The following KCNH5 variants were observed in gnomAD, a reference collection of about 807,000 sequenced individuals.
KCNH5 encodes the protein potassium voltage-gated channel subfamily H member 5.
KCNH5 carries 46 observed loss-of-function variants against 96.1 expected under a neutral mutation model. The observed-to-expected ratio is 0.48, with a 90% CI of 0.38 to 0.61. KCNH5 has a LOEUF of 0.61. KCNH5 is among the 20% of genes least tolerant of loss of function. The pLI is 0.00. For synonymous variants in KCNH5, 439 were observed against 449.8 expected (o/e 0.98, Z 0.30); for missense variants, 907 against 1,225.8 (o/e 0.74, Z 3.88).
chr14:62,762,932 C>A (rs181061945), intron 10 of KCNH5, among the ~76,000 whole-genome samples: 1 of 152,146 alleles, frequency 6.6e-6, no homozygotes, highest in African/African-American at 2.4e-5. Flanking sequence ...AGATAACCAC[C>A]CTATAATAAT....
chr14:62,936,089 C>T (rs565565539), intron 7 of KCNH5, among the ~76,000 whole-genome samples: 16 of 152,112 alleles, frequency 1.1e-4, no homozygotes, highest in South Asian at 2.1e-4. Context: ...GAAGTACTTC[C>T]GTATGCATGA....
intron 10 of KCNH5, among the ~76,000 whole-genome samples, chr14:62,754,091 A>C (rs1177764624): frequency 6.6e-6 from 1 of 152,210 alleles, no homozygotes; most frequent in Admixed American, 6.5e-5. Context: ...AAAAAGTTAA[A>C]AAGCACAGAG....
intron 10 of KCNH5, among the ~76,000 whole-genome samples, chr14:62,771,588 G>A (rs753669282): frequency 6.6e-6 from 1 of 152,152 alleles, no homozygotes; most frequent in Non-Finnish European, 1.5e-5. Context: ...TCGTGCCACT[G>A]CACTCCAGCC....
At chr14:62,782,769 C>T (rs1283123565) in intron 9 of KCNH5, among the ~76,000 whole-genome samples, 1 of 151,930 alleles carries the variant, frequency 6.6e-6, no homozygotes, top group Non-Finnish European at 1.5e-5. Context: ...TGAGATTGTG[C>T]CACTGCACTC....
At chr14:62,830,473 G>A (rs527621058) in intron 8 of KCNH5, among the ~76,000 whole-genome samples, 31 of 152,280 alleles carry the variant, frequency 2.0e-4, no homozygotes, top group African/African-American at 7.2e-4. Context: ...GAGGCCTCAG[G>A]AAACATACAG....
intron 4 of KCNH5, among the ~76,000 whole-genome samples, chr14:62,997,972 G>C (rs1287238434): frequency 6.6e-6 from 1 of 150,912 alleles, no homozygotes. Flanking sequence ...TCTTTTTCTG[G>C]TTTTGCTATA....
intron 8 of KCNH5, among the ~76,000 whole-genome samples, chr14:62,816,528 G>A (rs1886982193): frequency 6.6e-6 from 1 of 151,872 alleles, no homozygotes; most frequent in African/African-American, 2.4e-5. Flanking sequence ...AGCAATATTT[G>A]ACTGAGCTTT....
intron 10 of KCNH5, among the ~76,000 whole-genome samples, chr14:62,775,989 G>C (rs1057257353): frequency 7.2e-5 from 11 of 152,096 alleles, no homozygotes; most frequent in Non-Finnish European, 1.3e-4. Context: ...TAAAGTTGGG[G>C]CCAGCGCGGT....
rs140725760 is a variant in KCNH5 at position 62,934,033 on chromosome 14, G to A, written c.1369+16100C>T. Among the ~76,000 whole-genome samples the A allele has an allele frequency of 2.6e-3, 396 of 152,126 alleles. 3 individuals carry two copies. Among genetic ancestry groups the A allele is most frequent in the African/African-American group, 8.3e-3 (343 of 41,496 alleles). On this transcript the variant is annotated intron_variant, in intron 7 of 10. Transcript: ENST00000322893. Reference sequence around the variant, plus strand: ...TGAATAAATTAGCAGTTCAAATTACGCAGCACAGAAAGGCTCTGATCAAAC... The same window carrying A: ...TGAATAAATTAGCAGTTCAAATTACACAGCACAGAAAGGCTCTGATCAAAC...
At chr14:62,730,940 AATTT>A (rs1566642005) in intron 10 of KCNH5, among the ~76,000 whole-genome samples, 1 of 152,222 alleles carries the variant, frequency 6.6e-6, no homozygotes, top group African/African-American at 2.4e-5. Context: ...TTTTCCACTG[AATTT>A]ATTTTATTTG....
chr14:62,911,853 A>G (rs111572959), intron 7 of KCNH5, among the ~76,000 whole-genome samples: 2,367 of 151,796 alleles, frequency 0.016, 57 homozygotes, highest in African/African-American at 0.054. Flanking sequence ...TGGCCAACAT[A>G]GTAACACCCC....
At chr14:62,971,323 G>A (rs748791795) in intron 6 of KCNH5, among the ~76,000 whole-genome samples, 1 of 152,030 alleles carries the variant, frequency 6.6e-6, no homozygotes, top group Non-Finnish European at 1.5e-5. Context: ...CATGATCTAT[G>A]AGGAAAACTA....
chr14:63,031,076 C>G (rs1891616479), intron 1 of KCNH5, among the ~76,000 whole-genome samples: 1 of 151,646 alleles, frequency 6.6e-6, no homozygotes, highest in Admixed American at 6.6e-5. Context: ...GATGGGAAAA[C>G]AGACCAGGAA....
chr14:62,917,832 AC>A (rs1410880770), intron 7 of KCNH5, among the ~76,000 whole-genome samples: 9 of 152,106 alleles, frequency 5.9e-5, no homozygotes, highest in African/African-American at 2.2e-4. Flanking sequence ...TTGATTTTCC[AC>A]TGAAATTTCT....
chr14:62,813,410 A>G (rs1886910945), intron 8 of KCNH5, among the ~76,000 whole-genome samples: 2 of 152,148 alleles, frequency 1.3e-5, no homozygotes, highest in Non-Finnish European at 2.9e-5. Context: ...GCAAATGGGG[A>G]TAATGAGGAT....
At chr14:62,926,565 T>G (rs1425540190) in intron 7 of KCNH5, among the ~76,000 whole-genome samples, 1 of 152,062 alleles carries the variant, frequency 6.6e-6, no homozygotes, top group Non-Finnish European at 1.5e-5. Flanking sequence ...TTTCACAGTT[T>G]TGGAGGCATG....
chr14:62,931,352 C>T (rs1299147085), intron 7 of KCNH5, among the ~76,000 whole-genome samples: 2 of 152,080 alleles, frequency 1.3e-5, no homozygotes, highest in African/African-American at 4.8e-5. Context: ...GACAGAGGAG[C>T]ATGAACCAGC....
chr14:62,822,504 CATTTTAACAGA>C (rs1382686590), intron 8 of KCNH5, among the ~76,000 whole-genome samples: 2 of 152,026 alleles, frequency 1.3e-5, no homozygotes, highest in Non-Finnish European at 2.9e-5. Flanking sequence ...GGAGCAAAAG[CATTTTAACAGA>C]GGAAAGATAG....
chr14:62,711,540 C>T (rs1215151554), intron 10 of KCNH5, among the ~76,000 whole-genome samples: 1 of 152,126 alleles, frequency 6.6e-6, no homozygotes, highest in East Asian at 1.9e-4. Context: ...ACATAGCTCC[C>T]TTGAGGTTTG....
Sources: gnomAD v4.1 joint callset for allele counts (sites outside exome capture counted in the v4.1 genomes callset) on GRCh38, gnomAD v4.1.1 for gene constraint, MANE v1.5 for transcripts, NCBI Gene and HGNC (gene_info 2026-07-23, HGNC 2026-07-21) for gene names.